Variants in PTCHD4 observed in about 807,000 individuals in gnomAD.
PTCHD4 encodes the protein patched domain-containing protein 4.
In PTCHD4, 33 loss-of-function variants were observed where a neutral mutation model predicts 58.1. The ratio of observed to expected loss-of-function variants is 0.57; its 90% confidence interval spans 0.43 to 0.76. The LOEUF is 0.76. Among genes scored for constraint, PTCHD4 ranks in the 30% least tolerant of loss-of-function variants. The probability of loss-of-function intolerance (pLI) is 0.00; values close to 1 mark genes in which losing one functional copy is unlikely to be tolerated. For missense variants in PTCHD4, 1,058 were observed against 1,027.1 expected, an observed-to-expected ratio of 1.03 and a Z score of -0.41; for synonymous variants, 478 against 409.6, an observed-to-expected ratio of 1.17 and a Z score of -2.02.
intron 3 of PTCHD4, among the ~76,000 whole-genome samples, chr6:48,056,231 A>C (rs1362565039): frequency 6.6e-6 from 1 of 152,256 alleles, no homozygotes; most frequent in Non-Finnish European, 1.5e-5. Context: ...ATAAAAGGCT[A>C]CTTTCAAAAG....
At position 48,068,274 on chromosome 6, in the gene PTCHD4, C is replaced by A. The variant is rs1257007645; in HGVS notation, c.373G>T (p.Ala125Ser). ...CGGTGGGTCTGCAGGATCCCCTCAG[C>A]CTGGAGCAAAATATTGTCCCCGGTT... ...SPTGDNILLQ[A>S]EGILQTHRAV... The change falls in exon 3 of 5, where the codon GCT (alanine) becomes TCT (serine). Residue 125 changes from alanine (A) to serine (S), a missense_variant. Ala to Ser is a moderately conservative substitution (Grantham distance 99, BLOSUM62 1). Transcript: ENST00000339488. This position sits in a 1 kb window ranked among gnomAD's most constrained non-coding sequence, Gnocchi z 4.2. 1 of 1,606,586 alleles carries A rather than the reference C, an allele frequency of 6.2e-7. No homozygotes were observed. The highest frequency in any genetic ancestry group is 1.7e-5 in the Admixed American group (1 of 59,710).
At position 47,879,391 on chromosome 6, in the gene PTCHD4, T is replaced by C; in HGVS notation, c.1444A>G (p.Ile482Val). ...TTGATGATGTTGGCTCCGTCACTGA[T>C]CTGTAAGCACCCCATGAAGGAGAAG... ...ASFSFMGCLQ[I>V]SDGANIINLL... Residue 482 changes from isoleucine (I) to valine (V), a missense_variant, in exon 5 of 5, where the codon ATC becomes GTC. Ile to Val is a conservative substitution (Grantham distance 29). Transcript: ENST00000339488. The C allele has an allele frequency of 1.2e-6, 2 of 1,613,628 alleles. No individual in the cohort carries two copies. Among genetic ancestry groups the C allele is most frequent in the East Asian group, 2.2e-5 (1 of 44,850 alleles).
chr6:48,094,046 T>C (rs1765415752), intron 1 of PTCHD4, among the ~76,000 whole-genome samples: 1 of 152,052 alleles, frequency 6.6e-6, no homozygotes, highest in Admixed American at 6.5e-5. Context: ...TGGGAACACA[T>C]AGAAAAGAGG....
chr6:48,008,227 C>T (rs1346717481), intron 4 of PTCHD4, among the ~76,000 whole-genome samples: 2 of 152,126 alleles, frequency 1.3e-5, no homozygotes, highest in Non-Finnish European at 2.9e-5. Flanking sequence ...ATCATTGGTC[C>T]TCAGAATTTT....
intron 4 of PTCHD4, among the ~76,000 whole-genome samples, chr6:47,936,807 A>G (rs1258959063): frequency 6.6e-6 from 1 of 152,206 alleles, no homozygotes; most frequent in Non-Finnish European, 1.5e-5. Context: ...TAAGTAAAAT[A>G]TATAGTATGT....
At chr6:47,949,768 TC>T (rs1254006630) in intron 4 of PTCHD4, among the ~76,000 whole-genome samples, 2 of 152,124 alleles carry the variant, frequency 1.3e-5, no homozygotes, top group African/African-American at 4.8e-5. Flanking sequence ...AGCCATGTTT[TC>T]CCCAACATTC....
At chr6:47,926,082 C>T (rs1765603998) in intron 4 of PTCHD4, among the ~76,000 whole-genome samples, 1 of 152,144 alleles carries the variant, frequency 6.6e-6, no homozygotes, top group South Asian at 2.1e-4. Flanking sequence ...TCTGCGTTAT[C>T]AAAGGACACG....
intron 4 of PTCHD4, among the ~76,000 whole-genome samples, chr6:47,970,012 A>G (rs1767443607): frequency 6.6e-6 from 1 of 152,194 alleles, no homozygotes; most frequent in African/African-American, 2.4e-5. Context: ...ATTAGTTCCT[A>G]AAGGTGAGAG....
intron 3 of PTCHD4, among the ~76,000 whole-genome samples, chr6:48,026,308 C>G (rs1179324456): frequency 2.0e-5 from 3 of 152,130 alleles, no homozygotes; most frequent in Non-Finnish European, 4.4e-5. Flanking sequence ...ATGGGAACTT[C>G]TTAGTCAACT....
intron 1 of PTCHD4, among the ~76,000 whole-genome samples, chr6:48,090,906 T>G (rs562105441): frequency 2.0e-5 from 3 of 152,340 alleles, no homozygotes; most frequent in African/African-American, 7.2e-5. Flanking sequence ...AGAGTCCATT[T>G]TTTTACAACT....
rs151021470 is a variant in PTCHD4 at position 48,089,066 on chromosome 6, A to G, written c.-969-19140T>C. Among the ~76,000 whole-genome samples, 1,277 of 152,198 alleles carry G rather than the reference A, an allele frequency of 8.4e-3. 20 individuals are homozygous for G. The highest frequency in any genetic ancestry group is 0.028 in the African/African-American group (1,147 of 41,534). On this transcript the variant is annotated intron_variant, in intron 1 of 4. Coordinates refer to ENST00000339488, the MANE Select transcript of PTCHD4 (RefSeq NM_001384253.1). ...CATCTCAAAACAAATAAATAAATAA[A>G]TAGGAATGGGGGTAATCATTACTAT...
rs138419459 is a variant in PTCHD4 at position 47,901,245 on chromosome 6, C to T, written c.899-21309G>A. Reference sequence around the variant, plus strand: ...AACCTCATTTGTTCATTGAATTTGGCTTGCTAGTATTTTATTGAGAATTTT... The same window carrying T: ...AACCTCATTTGTTCATTGAATTTGGTTTGCTAGTATTTTATTGAGAATTTT... On this transcript the variant is annotated intron_variant, in intron 4 of 4. Transcript: ENST00000339488. 301 of 153,992 alleles carry T rather than the reference C, an allele frequency of 2.0e-3. 2 individuals are homozygous for T. The highest frequency in any genetic ancestry group is 7.9e-3 in the South Asian group (38 of 4,826). 9.5% of individuals were successfully genotyped at this position (153,992 alleles called of 1,614,324 possible). A position where few individuals can be genotyped will look rare whatever the true frequency, so the allele number is the denominator to read the frequency against.
At chr6:48,084,735 C>CTTT (rs537327491) in intron 1 of PTCHD4, among the ~76,000 whole-genome samples, 3 of 137,918 alleles carry the variant, frequency 2.2e-5, no homozygotes, top group Non-Finnish European at 4.8e-5. Flanking sequence ...TTCTTTCTTT[C>CTTT]TTTTTTTTTT....
chr6:48,083,726 G>C (rs1003611304), intron 1 of PTCHD4, among the ~76,000 whole-genome samples: 2 of 152,164 alleles, frequency 1.3e-5, no homozygotes, highest in Non-Finnish European at 2.9e-5. Context: ...GCATGAAAAA[G>C]AATGTGTCTG....
intron 3 of PTCHD4, among the ~76,000 whole-genome samples, chr6:48,014,966 A>G (rs184024352): frequency 1.4e-4 from 22 of 151,872 alleles, no homozygotes; most frequent in African/African-American, 5.1e-4. Flanking sequence ...TCACTTGCAG[A>G]CCCCCTTTTC....
chr6:47,873,567 C>T lies in PTCHD4; in HGVS notation c.*4736G>A, dbSNP rs1338539057. ...GATCTCATGCAGTGTGGCTTTGTTG[C>T]TTTCACTTATGATTTTGCTGCTTTC... On this transcript the variant is annotated 3_prime_UTR_variant, in exon 5 of 5. Coordinates refer to ENST00000339488, the MANE Select transcript of PTCHD4 (RefSeq NM_001384253.1). Among the ~76,000 whole-genome samples the T allele has an allele frequency of 6.6e-6, 1 of 151,710 alleles. No individual in the cohort carries two copies.
intron 1 of PTCHD4, among the ~76,000 whole-genome samples, chr6:48,099,387 A>G (rs905943977): frequency 6.6e-6 from 1 of 152,194 alleles, no homozygotes; most frequent in Non-Finnish European, 1.5e-5. Context: ...CTCACAGAAG[A>G]TACTCAAATC....
At position 47,873,170 on chromosome 6, in the gene PTCHD4, A is replaced by G. The variant is rs1444945775; in HGVS notation, c.*5133T>C. 6.6e-6 allele frequency among the ~76,000 whole-genome samples: 1 copy of G among 151,726 alleles called. No individual in the cohort carries two copies. The highest frequency in any genetic ancestry group is 1.5e-5 in the Non-Finnish European group (1 of 67,776). ...CAAAGATTAGGTTATGAATCTAACA[A>G]ATGAGAACCCAGTCTTCAAGTGCAA... is the stretch of plus-strand genomic sequence containing the variant. On this transcript the variant is annotated 3_prime_UTR_variant, in exon 5 of 5. Coordinates refer to ENST00000339488, the MANE Select transcript of PTCHD4 (RefSeq NM_001384253.1).
intron 3 of PTCHD4, among the ~76,000 whole-genome samples, chr6:48,045,765 A>G (rs1764012469): frequency 1.3e-5 from 2 of 150,810 alleles, no homozygotes; most frequent in Admixed American, 6.6e-5. Flanking sequence ...CTGATTCCAG[A>G]GATTTTTTTT....
Sources: gnomAD v4.1 joint callset for allele counts (sites outside exome capture counted in the v4.1 genomes callset) on GRCh38, gnomAD v4.1.1 for gene constraint, Gnocchi (gnomAD v3.1) non-coding constraint, MANE v1.5 for transcripts, NCBI Gene and HGNC (gene_info 2026-07-23, HGNC 2026-07-21) for gene names.